The following DCLK1 variants were observed in gnomAD, a reference collection of about 807,000 sequenced individuals.
DCLK1 encodes the protein serine/threonine-protein kinase DCLK1.
In DCLK1, 16 loss-of-function variants were observed where a neutral mutation model predicts 86.2. The ratio of observed to expected loss-of-function variants is 0.19; its 90% CI spans 0.13 to 0.28. The LOEUF (loss-of-function observed/expected upper bound fraction) is 0.28, where lower values mean the gene tolerates loss of function less well. Among genes scored for constraint, DCLK1 ranks in the 10% least tolerant of loss-of-function variants. The pLI, the probability that DCLK1 is intolerant of heterozygous loss-of-function variation, is 1.00. For synonymous variants in DCLK1, 369 were observed against 370.5 expected, an observed-to-expected ratio of 1.00 and a Z score of 0.05; for missense variants, 590 against 940.2, an observed-to-expected ratio of 0.63 and a Z score of 4.87.
intron 3 of DCLK1, among the ~76,000 whole-genome samples, chr13:36,035,161 G>A (rs2153154033): frequency 6.6e-6 from 1 of 152,146 alleles, no homozygotes. Context: ...CTCCCTCTGC[G>A]AATCAGCTAA....
chr13:35,818,523 G>A (rs948300282), intron 11 of DCLK1, among the ~76,000 whole-genome samples: 3 of 152,146 alleles, frequency 2.0e-5, no homozygotes, highest in Admixed American at 1.3e-4. Flanking sequence ...GCAGGGTCTT[G>A]GGGACTTTGG....
chr13:36,013,855 GAC>G (rs1178582732), intron 3 of DCLK1, among the ~76,000 whole-genome samples: 19 of 152,186 alleles, frequency 1.2e-4, no homozygotes, highest in Admixed American at 1.2e-3. Flanking sequence ...TTTGATCTCA[GAC>G]TGCTGTGCTA....
chr13:35,810,314 C>T (rs2087116593), intron 12 of DCLK1, among the ~76,000 whole-genome samples: 1 of 152,196 alleles, frequency 6.6e-6, no homozygotes, highest in Admixed American at 6.5e-5. Flanking sequence ...CCCTTCTCCC[C>T]ACATTCATCT....
At chr13:35,914,277 C>G (rs1875231403) in intron 4 of DCLK1, among the ~76,000 whole-genome samples, 1 of 146,264 alleles carries the variant, frequency 6.8e-6, no homozygotes, top group Non-Finnish European at 1.5e-5. Flanking sequence ...TGAGATTGTG[C>G]CACTGCACTC....
chr13:36,021,349 C>T (rs1881773366), intron 3 of DCLK1, among the ~76,000 whole-genome samples: 1 of 149,958 alleles, frequency 6.7e-6, no homozygotes, highest in Admixed American at 6.6e-5. Context: ...ACCAGAAAAG[C>T]CTTAAAATGT....
At chr13:35,889,751 T>A (rs1225129909) in intron 4 of DCLK1, among the ~76,000 whole-genome samples, 3 of 152,138 alleles carry the variant, frequency 2.0e-5, no homozygotes, top group Admixed American at 6.6e-5. Context: ...GACAAACCTC[T>A]CCTATTACCT....
intron 3 of DCLK1, among the ~76,000 whole-genome samples, chr13:35,978,203 CTTTTTT>C (rs11311688): frequency 6.0e-5 from 5 of 82,758 alleles, no homozygotes; most frequent in South Asian, 4.5e-4. Context: ...CTTTTCTTTT[CTTTTTT>C]TTTTTTTTTT....
chr13:36,090,583 G>A (rs182512994), intron 3 of DCLK1, among the ~76,000 whole-genome samples: 3 of 152,268 alleles, frequency 2.0e-5, no homozygotes, highest in East Asian at 1.9e-4. Flanking sequence ...AGCACAGAAC[G>A]TAGGTAGGAG....
intron 16 of DCLK1, among the ~76,000 whole-genome samples, chr13:35,785,181 C>T (rs1455119399): frequency 2.0e-5 from 3 of 152,216 alleles, no homozygotes; most frequent in Admixed American, 2.0e-4. Flanking sequence ...CCAGTTCTAG[C>T]TGTTGCCCTG....
At chr13:35,936,650 T>A (rs752785518) in intron 4 of DCLK1, among the ~76,000 whole-genome samples, 12 of 152,192 alleles carry the variant, frequency 7.9e-5, no homozygotes, top group African/African-American at 1.4e-4. Context: ...GGTATTTATG[T>A]GTTTGACTTT....
intron 3 of DCLK1, among the ~76,000 whole-genome samples, chr13:35,963,421 G>A (rs1878562966): frequency 1.3e-5 from 2 of 152,276 alleles, no homozygotes; most frequent in African/African-American, 4.8e-5. Flanking sequence ...AGACATAATA[G>A]GAAGCTTTGC....
intron 4 of DCLK1, among the ~76,000 whole-genome samples, chr13:35,888,954 C>T (rs1489908138): frequency 6.6e-6 from 1 of 152,072 alleles, no homozygotes; most frequent in African/African-American, 2.4e-5. Flanking sequence ...AGTGTCAAGC[C>T]CTGTTTAAAG....
intron 16 of DCLK1, among the ~76,000 whole-genome samples, chr13:35,790,095 C>G (rs2086687022): frequency 1.3e-5 from 2 of 152,100 alleles, no homozygotes; most frequent in African/African-American, 2.4e-5. Flanking sequence ...CTAGCCAACT[C>G]GAGGCCCTCT....
intron 3 of DCLK1, among the ~76,000 whole-genome samples, chr13:36,004,678 C>T (rs1419473950): frequency 6.6e-6 from 1 of 151,998 alleles, no homozygotes; most frequent in Non-Finnish European, 1.5e-5. Flanking sequence ...GGGGTTCAAG[C>T]GATCCTCCCA....
chr13:35,804,296 ATTTTT>A (rs71081286), intron 15 of DCLK1, among the ~76,000 whole-genome samples: 1 of 139,590 alleles, frequency 7.2e-6, no homozygotes. Context: ...ATGCCTAGCT[ATTTTT>A]TTTTTTTTTT....
In DCLK1 at chr13:35,974,248, T is replaced by C. The variant is rs180874421; in HGVS notation, c.724-26791A>G. On this transcript the variant is annotated intron_variant, in intron 3 of 16. Coordinates refer to ENST00000360631, the MANE Select transcript of DCLK1 (RefSeq NM_001330071.2). ...CCGAGTACTTGAGAATGTGACTGCA[T>C]TTGAAGAGAGGACCTTGACACAGAT... 2.6e-5 allele frequency among the ~76,000 whole-genome samples: 4 copies of C among 152,250 alleles called. No homozygotes were observed. The East Asian group carries it at 7.7e-4, about 29-fold the overall frequency.
At chr13:36,078,142 C>A (rs773678120) in intron 3 of DCLK1, among the ~76,000 whole-genome samples, 1 of 152,136 alleles carries the variant, frequency 6.6e-6, no homozygotes, top group Admixed American at 6.5e-5. Context: ...GGAAGAGACC[C>A]CAGAGCTTCC....
chr13:35,967,741 G>A (rs1236038386), intron 3 of DCLK1, among the ~76,000 whole-genome samples: 2 of 152,016 alleles, frequency 1.3e-5, no homozygotes, highest in African/African-American at 4.8e-5. Context: ...TTGTTCACAT[G>A]TTTATCTGCT....
chr13:36,050,589 T>C (rs1288409863), intron 3 of DCLK1, among the ~76,000 whole-genome samples: 3 of 152,188 alleles, frequency 2.0e-5, no homozygotes, highest in Admixed American at 2.0e-4. Flanking sequence ...ATTCAGGCAG[T>C]TGTGACATGT....
Sources: allele counts gnomAD v4.1 joint callset (sites outside exome capture counted in the v4.1 genomes callset), GRCh38; gene constraint gnomAD v4.1.1; transcripts MANE v1.5; gene names NCBI Gene and HGNC (gene_info 2026-07-23, HGNC 2026-07-21).